GRIA3: variants seen among roughly 807,000 people sequenced by gnomAD.
The protein encoded by GRIA3 is glutamate ionotropic receptor AMPA type subunit 3, also known as glutamate receptor 3.
GRIA3 carries 3 observed loss-of-function variants against 63.0 expected under a neutral mutation model. The observed-to-expected ratio is 0.05, with a 90% CI of 0.02 to 0.12. GRIA3 has a LOEUF of 0.12. Ranked by LOEUF, GRIA3 falls within the 10% of genes least tolerant of loss-of-function variation. The pLI, the probability that GRIA3 is intolerant of heterozygous loss-of-function variation, is 1.00. For synonymous variants in GRIA3, 274 were observed against 257.9 expected (o/e 1.06, Z -0.60); for missense variants, 347 against 700.9 (o/e 0.50, Z 5.70).
intron 12 of GRIA3, among the ~76,000 whole-genome samples, chrX:123,433,853 A>G (rs935910544): frequency 9.0e-6 from 1 of 111,620 alleles, no homozygotes; most frequent in African/African-American, 3.3e-5. Context: ...CTCATGAAGA[A>G]TGTTTTGTCT....
intron 2 of GRIA3, among the ~76,000 whole-genome samples, chrX:123,193,950 G>T (rs1253022089): frequency 1.8e-5 from 2 of 111,007 alleles, no homozygotes; most frequent in Admixed American, 9.6e-5. Context: ...GAGGGGCGCT[G>T]GTAGACTCTT....
intron 3 of GRIA3, among the ~76,000 whole-genome samples, chrX:123,289,163 G>A (rs1191002238): frequency 9.0e-6 from 1 of 111,050 alleles, no homozygotes; most frequent in African/African-American, 3.3e-5. Context: ...GCAAACTGAT[G>A]CAGGAACAGA....
intron 12 of GRIA3, among the ~76,000 whole-genome samples, chrX:123,455,200 T>C (rs1259149507): frequency 8.9e-6 from 1 of 111,841 alleles, no homozygotes; most frequent in African/African-American, 3.3e-5. Flanking sequence ...GAAACCAGAA[T>C]TTCTTTCCCT....
At chrX:123,187,949 A>G (rs1453928795) in intron 2 of GRIA3, among the ~76,000 whole-genome samples, 2 of 112,047 alleles carry the variant, frequency 1.8e-5, no homozygotes, top group Non-Finnish European at 3.8e-5. Flanking sequence ...GGGAAAGGAA[A>G]AGAAATTGAT....
At chrX:123,334,782 G>A (rs771341117) in intron 4 of GRIA3, among the ~76,000 whole-genome samples, 14 of 111,141 alleles carry the variant, frequency 1.3e-4, no homozygotes, top group Non-Finnish European at 1.9e-5. Context: ...CAAGCTGTAT[G>A]AGTTCAAAAA....
chrX:123,341,191 A>C (rs1257406695), intron 4 of GRIA3, among the ~76,000 whole-genome samples: 1 of 112,021 alleles, frequency 8.9e-6, no homozygotes, highest in African/African-American at 3.2e-5. Flanking sequence ...CAGGGAACTC[A>C]GATGGGCATC....
intron 4 of GRIA3, among the ~76,000 whole-genome samples, chrX:123,342,939 T>C (rs2045018619): frequency 2.7e-5 from 3 of 111,467 alleles, no homozygotes; most frequent in African/African-American, 9.8e-5. Flanking sequence ...GTAGTGACAG[T>C]TGTTATCATC....
intron 3 of GRIA3, among the ~76,000 whole-genome samples, chrX:123,255,075 C>T (rs1157295343): frequency 4.5e-5 from 5 of 112,094 alleles, no homozygotes; most frequent in Admixed American, 1.9e-4. Context: ...GAAAAAGATA[C>T]TTATAAAGCA....
rs763811209 is a variant in GRIA3 at position 123,292,665 on chromosome X, C to T, written c.509-33361C>T. ...TGTGAATGAGGCCAACCAGAAAATC[C>T]CTGCAGCTTAAAACCTAAGCTCAGT... is the stretch of plus-strand genomic sequence containing the variant. On this transcript the variant is annotated intron_variant, in intron 3 of 15. Coordinates refer to ENST00000620443, the MANE Select transcript of GRIA3 (RefSeq NM_007325.5). Among the ~76,000 whole-genome samples the T allele has an allele frequency of 5.4e-5, 6 of 111,271 alleles. No homozygotes were observed. In the South Asian group the frequency reaches 2.3e-3, roughly 42 times the overall value.
chrX:123,301,984 A>C (rs1282732699), intron 3 of GRIA3, among the ~76,000 whole-genome samples: 1 of 112,186 alleles, frequency 8.9e-6, no homozygotes, highest in Non-Finnish European at 1.9e-5. Context: ...AGTAATTTAT[A>C]ATCTTCTGCC....
intron 2 of GRIA3, 39 bp downstream of exon 2, chrX:123,186,029 G>A: frequency 1.8e-6 from 2 of 1,102,461 alleles, no homozygotes; most frequent in East Asian, 6.0e-5. Flanking sequence ...GGACGTTGGG[G>A]ACCTCATTTG....
At chrX:123,350,572 TCTTACATA>T (rs2045087627) in intron 4 of GRIA3, among the ~76,000 whole-genome samples, 2 of 112,410 alleles carry the variant, frequency 1.8e-5, no homozygotes, top group Non-Finnish European at 3.8e-5. Flanking sequence ...GGAAAGGGCC[TCTTACATA>T]GAAAACCAAA....
intron 5 of GRIA3, among the ~76,000 whole-genome samples, chrX:123,357,127 A>G (rs984562452): frequency 1.8e-5 from 2 of 111,231 alleles, no homozygotes; most frequent in Non-Finnish European, 3.8e-5. Context: ...TAGCTCATAG[A>G]GGAGTCCTAT....
Position 123,417,554 on chromosome X carries a change from G to T in GRIA3, c.1653G>T (p.Leu551=). The T allele has an allele frequency of 2.5e-6, 3 of 1,209,628 alleles. No individual in the cohort carries two copies. The highest frequency in any genetic ancestry group is 2.2e-6 in the Non-Finnish European group (2 of 894,070). ...GCGTATTCTCATTTCTGGATCCCCT[G>T]GCTTATGAAATCTGGATGTGCATTG... ...KPGVFSFLDP[L]AYEIWMCIVF... is the part of the protein sequence containing the mutation. Residue 551 remains leucine, a synonymous_variant, in exon 11 of 16, where the codon CTG becomes CTT. Transcript: ENST00000620443.
At chrX:123,327,228 A>T (rs1211230538) in intron 4 of GRIA3, among the ~76,000 whole-genome samples, 2 of 111,918 alleles carry the variant, frequency 1.8e-5, no homozygotes. Context: ...ATGGGCCAAA[A>T]TATATTCATT....
At chrX:123,480,357 T>A (rs1018588389) in intron 14 of GRIA3, among the ~76,000 whole-genome samples, 180 bp downstream of exon 14, 2 of 111,809 alleles carry the variant, frequency 1.8e-5, no homozygotes, top group African/African-American at 6.5e-5. Context: ...CCACATGACA[T>A]CAATTGTTGA....
In GRIA3 at chrX:123,390,263, A is replaced by G. The variant is rs753758003; in HGVS notation, c.751-4705A>G. On this transcript the variant is annotated intron_variant, in intron 5 of 15. Transcript: ENST00000620443. ...TACTTTCATGTATTTTCATTATGGT[A>G]TATACTCTCCTTTTTCTTCCAGGTG... Among the ~76,000 whole-genome samples the G allele has an allele frequency of 3.6e-5, 4 of 111,077 alleles. No homozygotes were observed. In the South Asian group the frequency reaches 1.1e-3, roughly 31 times the overall value.
At chrX:123,392,150 A>C (rs989733419) in intron 5 of GRIA3, among the ~76,000 whole-genome samples, 2 of 112,184 alleles carry the variant, frequency 1.8e-5, no homozygotes, top group African/African-American at 6.5e-5. Flanking sequence ...AGCAGCCATA[A>C]ACAGGTAGCT....
chrX:123,388,635 T>C (rs996277315), intron 5 of GRIA3, among the ~76,000 whole-genome samples: 2 of 112,336 alleles, frequency 1.8e-5, no homozygotes, highest in African/African-American at 6.5e-5. Flanking sequence ...TTTTGGTTCA[T>C]CTAGCTAGTG....
Sources: gnomAD v4.1 joint callset for allele counts (sites outside exome capture counted in the v4.1 genomes callset) on GRCh38, gnomAD v4.1.1 for gene constraint, MANE v1.5 for transcripts, NCBI Gene and HGNC (gene_info 2026-07-23, HGNC 2026-07-21) for gene names.